EPHA6: variants seen among roughly 807,000 people sequenced by gnomAD.
EPHA6 encodes the protein EPH receptor A6, also known as ephrin type-A receptor 6.
A neutral mutation model predicts 112.0 loss-of-function variants in EPHA6; 50 were observed. The observed-to-expected ratio is 0.45, with a 90% CI of 0.36 to 0.56. The LOEUF (loss-of-function observed/expected upper bound fraction) is 0.56. EPHA6 is among the 20% of genes least tolerant of loss of function. EPHA6 has a pLI of 0.00. For synonymous variants in EPHA6, 529 were observed against 490.7 expected (o/e 1.08, Z -1.03); for missense variants, 1,280 against 1,417.4 (o/e 0.90, Z 1.56).
At chr3:97,115,689 A>G (rs2047865845) in intron 3 of EPHA6, among the ~76,000 whole-genome samples, 1 of 151,724 alleles carries the variant, frequency 6.6e-6, no homozygotes, top group South Asian at 2.1e-4. Flanking sequence ...AATCCATTAT[A>G]TTTTATGTTT....
intron 3 of EPHA6, among the ~76,000 whole-genome samples, chr3:97,042,473 C>T (rs1559689472): frequency 1.3e-5 from 2 of 152,082 alleles, no homozygotes; most frequent in Non-Finnish European, 2.9e-5. Flanking sequence ...TTCTTTCTAG[C>T]AATGCAAAAA....
Position 97,069,988 on chromosome 3 carries a change from CTTCTGT to C in EPHA6, c.1114+81999_1114+82004del, listed in dbSNP as rs1365753836. On this transcript the variant is annotated intron_variant, in intron 3 of 17. Transcript: ENST00000389672. ...CTCTTTCAAGCTGTGTGGTCTTGCT[CTTCTGT>C]TTCCTTTTCCTGGGAAGCTCTGCCA... is the stretch of plus-strand genomic sequence containing the variant. Among the ~76,000 whole-genome samples the C allele has an allele frequency of 3.9e-5, 6 of 152,166 alleles. No homozygotes were observed. The East Asian group carries it at 1.2e-3, about 29-fold the overall frequency.
chr3:97,043,000 G>A (rs759019631), intron 3 of EPHA6, among the ~76,000 whole-genome samples: 2 of 152,106 alleles, frequency 1.3e-5, no homozygotes, highest in African/African-American at 2.4e-5. Flanking sequence ...GAGTGGCAAA[G>A]TGAAGCAACT....
At chr3:97,724,069 TC>T (rs1313175129) in intron 15 of EPHA6, among the ~76,000 whole-genome samples, 1 of 152,220 alleles carries the variant, frequency 6.6e-6, no homozygotes, top group Admixed American at 6.5e-5. Context: ...TTGACTATGT[TC>T]TGTGAGAATA....
chr3:96,863,072 C>A (rs1285919845), intron 1 of EPHA6, among the ~76,000 whole-genome samples: 1 of 151,788 alleles, frequency 6.6e-6, no homozygotes, highest in East Asian at 1.9e-4. Context: ...TATTTTATTG[C>A]CCCCAGGCTA....
chr3:96,869,746 C>T (rs1420890698), intron 2 of EPHA6, among the ~76,000 whole-genome samples: 2 of 151,926 alleles, frequency 1.3e-5, no homozygotes, highest in Admixed American at 6.6e-5. Context: ...GATATAGCCA[C>T]TATAGTATAT....
chr3:97,201,598 G>A (rs2077579430), intron 3 of EPHA6, among the ~76,000 whole-genome samples: 2 of 152,006 alleles, frequency 1.3e-5, no homozygotes, highest in Admixed American at 1.3e-4. Context: ...TTAATGACTA[G>A]AAATCCCTCA....
rs75006729 is a variant in EPHA6 at position 96,869,366 on chromosome 3, C to G, written c.450+2477C>G. Among the ~76,000 whole-genome samples, 157 of 142,694 alleles carry G rather than the reference C, an allele frequency of 1.1e-3. 3 individuals carry two copies. In the East Asian group the frequency reaches 0.032, roughly 29 times the overall value. The allele number at this position is 142,694 out of a possible 152,430, so 93.6% of individuals were successfully genotyped here. ...AAATTGGGAATAAGAAGTTGCATGT[C>G]AGCTCTTTCAAAAAAAAAAAAAACG... is the stretch of plus-strand genomic sequence containing the variant. On this transcript the variant is annotated intron_variant, in intron 2 of 17. Coordinates refer to ENST00000389672, the MANE Select transcript of EPHA6 (RefSeq NM_001080448.3).
At chr3:97,413,603 T>C (rs770096544) in intron 6 of EPHA6, among the ~76,000 whole-genome samples, 1 of 152,078 alleles carries the variant, frequency 6.6e-6, no homozygotes, top group Non-Finnish European at 1.5e-5. Context: ...GAAATGAGGC[T>C]ATGATACAAG....
At chr3:97,248,444 A>C (rs2079042046) in intron 5 of EPHA6, among the ~76,000 whole-genome samples, 2 of 152,108 alleles carry the variant, frequency 1.3e-5, no homozygotes, top group Admixed American at 1.3e-4. Flanking sequence ...TAGACAGTAA[A>C]GGAAAACGTT....
At chr3:97,220,369 A>G (rs1301600771) in intron 3 of EPHA6, among the ~76,000 whole-genome samples, 2 of 152,212 alleles carry the variant, frequency 1.3e-5, no homozygotes, top group Admixed American at 1.3e-4. Flanking sequence ...TCTTTATAAC[A>G]GTACCCCACT....
chr3:97,637,745 A>C lies in EPHA6; in HGVS notation c.2575-128A>C, dbSNP rs576823758. 3.8e-5 allele frequency: 26 copies of C among 683,806 alleles called. No homozygotes were observed. The South Asian group carries it at 3.9e-4, about 10-fold the overall frequency. The allele number at this position is 683,806 out of a possible 1,614,324, so 42.4% of individuals were successfully genotyped here. A position where few individuals can be genotyped will look rare whatever the true frequency, so the allele number is the denominator to read the frequency against. On this transcript the variant is annotated intron_variant, in intron 13 of 17. Transcript: ENST00000389672. ...ATTACTTTTCCTTATGAATATAGTC[A>C]GTGATCACCAAAGTTGATGCTTATC...
At chr3:97,468,631 ATT>A (rs1464308179) in intron 7 of EPHA6, among the ~76,000 whole-genome samples, 3 of 151,670 alleles carry the variant, frequency 2.0e-5, no homozygotes, top group African/African-American at 7.3e-5. Flanking sequence ...TTTTCTATTA[ATT>A]TACCTCTGTA....
intron 10 of EPHA6, among the ~76,000 whole-genome samples, chr3:97,500,266 T>C (rs1410772434): frequency 2.0e-5 from 3 of 152,092 alleles, no homozygotes; most frequent in African/African-American, 4.8e-5. Context: ...TAGAAATACC[T>C]GAGACTGGAT....
chr3:96,942,944 A>G (rs1415805128), intron 2 of EPHA6, among the ~76,000 whole-genome samples: 1 of 152,102 alleles, frequency 6.6e-6, no homozygotes, highest in African/African-American at 2.4e-5. Flanking sequence ...GCAATTGCAC[A>G]CCAGAACTTA....
At chr3:97,409,594 C>A (rs1473425816) in intron 6 of EPHA6, among the ~76,000 whole-genome samples, 2 of 152,004 alleles carry the variant, frequency 1.3e-5, no homozygotes, top group Non-Finnish European at 2.9e-5. Flanking sequence ...ACAAACACTT[C>A]ATTACTCTCT....
chr3:97,693,881 A>G (rs935516456), intron 14 of EPHA6, among the ~76,000 whole-genome samples: 3 of 152,182 alleles, frequency 2.0e-5, no homozygotes, highest in Admixed American at 2.0e-4. Flanking sequence ...AATGTTAGCT[A>G]TTATTATAAT....
chr3:96,977,747 G>A (rs2042591405), intron 2 of EPHA6, among the ~76,000 whole-genome samples: 1 of 152,052 alleles, frequency 6.6e-6, no homozygotes. Context: ...ACTACTAATA[G>A]CCTACTGTTT....
intron 5 of EPHA6, among the ~76,000 whole-genome samples, chr3:97,290,669 T>C (rs2080647116): frequency 6.6e-6 from 1 of 152,138 alleles, no homozygotes; most frequent in Non-Finnish European, 1.5e-5. Context: ...TGGTTATGTA[T>C]AGTTGTTTAT....
Sources: allele counts gnomAD v4.1 joint callset (sites outside exome capture counted in the v4.1 genomes callset), GRCh38; gene constraint gnomAD v4.1.1; transcripts MANE v1.5; gene names NCBI Gene and HGNC (gene_info 2026-07-23, HGNC 2026-07-21).